Variants in UNC5D observed in about 807,000 individuals in gnomAD.
The protein encoded by UNC5D is netrin receptor UNC5D.
In UNC5D, 39 loss-of-function variants were observed where a neutral mutation model predicts 105.4. That is an observed-to-expected ratio of 0.37 (90% CI 0.29 to 0.48). UNC5D has a LOEUF of 0.48. UNC5D is among the 20% of genes least tolerant of loss of function. UNC5D has a pLI of 0.98. For missense variants in UNC5D, 991 were observed against 1,202.4 expected (o/e 0.82, Z 2.60); for synonymous variants, 452 against 450.4 (o/e 1.00, Z -0.04).
At chr8:35,370,359 C>T (rs907883216) in intron 1 of UNC5D, among the ~76,000 whole-genome samples, 8 of 152,050 alleles carry the variant, frequency 5.3e-5, no homozygotes, top group African/African-American at 1.9e-4. Context: ...TGTTGAATAC[C>T]TTTTAATATT....
chr8:35,412,733 T>C (rs1355659551), intron 1 of UNC5D, among the ~76,000 whole-genome samples: 1 of 152,142 alleles, frequency 6.6e-6, no homozygotes, highest in Non-Finnish European at 1.5e-5. Flanking sequence ...TTCTGCTATG[T>C]TCTGATGAGA....
rs181919021 is a variant in UNC5D at position 35,604,198 on chromosome 8, T to C, written c.570+8541T>C. On this transcript the variant is annotated intron_variant, in intron 4 of 16. Coordinates refer to ENST00000404895, the MANE Select transcript of UNC5D (RefSeq NM_080872.4). ...GGCTGGTACCGGTTGTTCCTTTCCA[T>C]GTTTAGTGCTTCATTCAGGAGCTCT... 7.5e-3 allele frequency among the ~76,000 whole-genome samples: 1,139 copies of C among 152,296 alleles called. 18 individuals carry two copies. The highest frequency in any genetic ancestry group is 0.026 in the African/African-American group (1,083 of 41,552).
At chr8:35,733,490 C>T (rs1829303521) in intron 11 of UNC5D, among the ~76,000 whole-genome samples, 3 of 152,156 alleles carry the variant, frequency 2.0e-5, no homozygotes, top group South Asian at 2.1e-4. Flanking sequence ...GTTCATGGAG[C>T]TGGAATGCAC....
chr8:35,423,939 G>A (rs1306400838), intron 1 of UNC5D, among the ~76,000 whole-genome samples: 1 of 150,770 alleles, frequency 6.6e-6, no homozygotes, highest in East Asian at 2.0e-4. Context: ...TGCAACTACA[G>A]GCATGTGCCA....
intron 2 of UNC5D, among the ~76,000 whole-genome samples, chr8:35,567,333 A>G (rs1261401222): frequency 6.6e-6 from 1 of 152,164 alleles, no homozygotes; most frequent in East Asian, 1.9e-4. Context: ...CTCTGATTTG[A>G]TCAGTACATA....
Position 35,436,459 on chromosome 8 carries a change from G to A in UNC5D, c.104-112833G>A, listed in dbSNP as rs529924657. 1.1e-4 allele frequency among the ~76,000 whole-genome samples: 16 copies of A among 152,040 alleles called. 1 individual carries two copies. The highest frequency in any genetic ancestry group is 3.9e-4 in the African/African-American group (16 of 41,502). On this transcript the variant is annotated intron_variant, in intron 1 of 16. Transcript: ENST00000404895. ...GGGGCTTATAATTCCTTTAAAATTA[G>A]TATTATAGAAGCTAAACAAAAGCCC...
At chr8:35,286,117 A>G (rs1240758627) in intron 1 of UNC5D, among the ~76,000 whole-genome samples, 2 of 152,264 alleles carry the variant, frequency 1.3e-5, no homozygotes, top group Non-Finnish European at 2.9e-5. Context: ...AACTGTTAAA[A>G]GACATTATCA....
intron 3 of UNC5D, among the ~76,000 whole-genome samples, chr8:35,583,250 G>A (rs1818570250): frequency 6.6e-6 from 1 of 152,142 alleles, no homozygotes; most frequent in Non-Finnish European, 1.5e-5. Flanking sequence ...CTTCTTGGGA[G>A]GCCGAGGCAG....
intron 1 of UNC5D, among the ~76,000 whole-genome samples, chr8:35,443,903 T>C (rs1035636067): frequency 5.9e-5 from 9 of 152,072 alleles, no homozygotes; most frequent in African/African-American, 2.2e-4. Flanking sequence ...TAAATCCTCT[T>C]AAAAGATATA....
intron 1 of UNC5D, among the ~76,000 whole-genome samples, chr8:35,469,573 TCTGTG>T (rs1281018454): frequency 6.6e-6 from 1 of 152,220 alleles, no homozygotes; most frequent in Admixed American, 6.5e-5. Flanking sequence ...TAATATACTC[TCTGTG>T]CTTTAATTTA....
chr8:35,515,642 GC>G (rs1813052727), intron 1 of UNC5D, among the ~76,000 whole-genome samples: 1 of 152,160 alleles, frequency 6.6e-6, no homozygotes, highest in Admixed American at 6.5e-5. Context: ...CCAAGATCGT[GC>G]CACTGCACTG....
At chr8:35,275,674 C>T (rs1023309363) in intron 1 of UNC5D, among the ~76,000 whole-genome samples, 1 of 152,162 alleles carries the variant, frequency 6.6e-6, no homozygotes, top group Non-Finnish European at 1.5e-5. Context: ...ACCATTTACT[C>T]TCTGTGTGAC....
intron 1 of UNC5D, among the ~76,000 whole-genome samples, chr8:35,424,219 C>A (rs1266121241): frequency 2.0e-5 from 3 of 152,116 alleles, no homozygotes; most frequent in East Asian, 1.9e-4. Context: ...AGAGATGATT[C>A]ATATAATAGC....
At chr8:35,297,988 G>C (rs1807626811) in intron 1 of UNC5D, among the ~76,000 whole-genome samples, 1 of 152,160 alleles carries the variant, frequency 6.6e-6, no homozygotes, top group South Asian at 2.1e-4. Flanking sequence ...TTCACAGTCA[G>C]TACTGGTGAT....
In UNC5D at chr8:35,678,805, CT is replaced by C. The variant is rs1449191954; in HGVS notation, c.571-4736del. ...CTCCTTGCATCCTTTCTTTTTTCCTCTTTTTTGTTCTTTTCTCTCTCTTTTT... is the reference window on the plus strand; with the variant it reads ...CTCCTTGCATCCTTTCTTTTTTCCTCTTTTTGTTCTTTTCTCTCTCTTTTT... On this transcript the variant is annotated intron_variant, in intron 4 of 16. Transcript: ENST00000404895. Among the ~76,000 whole-genome samples, 36 of 152,136 alleles carry C rather than the reference CT, an allele frequency of 2.4e-4. 1 individual carries two copies. The highest frequency in any genetic ancestry group is 8.7e-4 in the African/African-American group (36 of 41,522).
chr8:35,525,531 G>C, intron 1 of UNC5D: 1 of 1,612,366 alleles, frequency 6.2e-7, no homozygotes, highest in East Asian at 2.2e-5. Flanking sequence ...TGAAGCTAGG[G>C]GAGGAGGGGT....
At chr8:35,389,666 G>A (rs546623431) in intron 1 of UNC5D, among the ~76,000 whole-genome samples, 12 of 151,070 alleles carry the variant, frequency 7.9e-5, no homozygotes, top group African/African-American at 2.2e-4. Flanking sequence ...ACTACTTTGC[G>A]GTATAGAAAG....
rs1175135249 is a variant in UNC5D at position 35,762,881 on chromosome 8, T to C, written c.2313+3412T>C. On this transcript the variant is annotated intron_variant, in intron 14 of 16. Coordinates refer to ENST00000404895, the MANE Select transcript of UNC5D (RefSeq NM_080872.4). ...TGTATCTTGGAGAACCCAGTGTCTG[T>C]CTCCTGCTAAGATATGATTTACATT... 6.6e-5 allele frequency among the ~76,000 whole-genome samples: 10 copies of C among 152,200 alleles called. No individual in the cohort carries two copies. In the South Asian group the frequency reaches 1.4e-3, roughly 22 times the overall value.
At chr8:35,525,329 T>TG in intron 1 of UNC5D, 1 of 1,612,190 alleles carries the variant, frequency 6.2e-7, no homozygotes, top group East Asian at 2.2e-5. Context: ...CCACTTGATA[T>TG]GGGGGTGTAA....
Sources: allele counts gnomAD v4.1 joint callset (sites outside exome capture counted in the v4.1 genomes callset), GRCh38; gene constraint gnomAD v4.1.1; transcripts MANE v1.5; gene names NCBI Gene and HGNC (gene_info 2026-07-23, HGNC 2026-07-21).